C10orf67: variants seen among roughly 807,000 people sequenced by gnomAD.
C10orf67 encodes the protein uncharacterized protein C10orf67, mitochondrial.
C10orf67 carries 60 observed loss-of-function variants against 35.6 expected under a neutral mutation model. The ratio of observed to expected loss-of-function variants is 1.68; its 90% CI spans 1.37 to 2.09. The LOEUF is 2.09. C10orf67 is among the 30% of genes most tolerant of loss of function. The pLI, the probability that C10orf67 is intolerant of heterozygous loss-of-function variation, is 0.00. For missense variants in C10orf67, 474 were observed against 330.2 expected (o/e 1.44, Z -3.38); for synonymous variants, 167 against 115.8 (o/e 1.44, Z -2.84).
In C10orf67 at chr10:23,250,525, A is replaced by G. The variant is rs181374634; in HGVS notation, c.1281-5T>C. ...CGATCAGCTTCCTTCCTAAACCTAT[A>G]AAAAATTTACAGATGGTTAAATATT... On this transcript the variant is annotated splice_region_variant and splice_polypyrimidine_tract_variant and intron_variant, in intron 11 of 15. Transcript: ENST00000636213. 6.0e-5 allele frequency: 24 copies of G among 398,194 alleles called. No homozygotes were observed. Among genetic ancestry groups the G allele is most frequent in the African/African-American group, 4.8e-4 (23 of 48,376 alleles). The allele number at this position is 398,194 out of a possible 1,614,324, so 24.7% of individuals were successfully genotyped here.
At chr10:23,282,597 G>A (rs897957896) in intron 7 of C10orf67, among the ~76,000 whole-genome samples, 1 of 152,092 alleles carries the variant, frequency 6.6e-6, no homozygotes, top group Non-Finnish European at 1.5e-5. Flanking sequence ...TTGGAAGGCT[G>A]AGGCGGGTGG....
Position 23,223,811 on chromosome 10 carries a change from T to G in C10orf67, c.1442A>C (p.Lys481Thr). The change falls in exon 14 of 16, where the codon AAA becomes ACA. Residue 481 changes from lysine (K) to threonine (T), a missense_variant. Lys to Thr is a moderately conservative substitution (Grantham distance 78). Coordinates refer to ENST00000636213, the MANE Select transcript of C10orf67 (RefSeq NM_001371909.1). ...CGTTCTAGACTGCACTAATAAGGGTTTTACTTTCTGAAAGACACAAAAGAT... is the reference window on the plus strand; with the variant it reads ...CGTTCTAGACTGCACTAATAAGGGTGTTACTTTCTGAAAGACACAAAAGAT... ...ADTSFNYIKVKPLLVQSRTTM... is the reference protein window; with the variant it reads ...ADTSFNYIKVTPLLVQSRTTM... The G allele has an allele frequency of 1.4e-6, 1 of 715,200 alleles. No individual in the cohort carries two copies. Among genetic ancestry groups the G allele is most frequent in the South Asian group, 1.5e-5 (1 of 67,506 alleles). 44.3% of individuals were successfully genotyped at this position (715,200 alleles called of 1,614,324 possible).
At chr10:23,320,689 G>T in intron 4 of C10orf67, 52 bp downstream of exon 4, 1 of 1,380,872 alleles carries the variant, frequency 7.2e-7, no homozygotes, top group Non-Finnish European at 1.0e-6. Context: ...CTTGCACACA[G>T]CAGCTGAAGC....
intron 12 of C10orf67, among the ~76,000 whole-genome samples, chr10:23,245,568 A>G (rs1380540184): frequency 6.6e-6 from 1 of 152,230 alleles, no homozygotes; most frequent in Non-Finnish European, 1.5e-5. Flanking sequence ...CATTTCCCCA[A>G]AGAAGACACA....
intron 8 of C10orf67, among the ~76,000 whole-genome samples, chr10:23,278,605 T>C (rs1034086866): frequency 6.6e-6 from 1 of 152,140 alleles, no homozygotes; most frequent in African/African-American, 2.4e-5. Flanking sequence ...AGAGGAGAAC[T>C]GTGTGCCACG....
At chr10:23,235,610 C>T (rs1273589053) in intron 13 of C10orf67, among the ~76,000 whole-genome samples, 1 of 152,176 alleles carries the variant, frequency 6.6e-6, no homozygotes, top group Non-Finnish European at 1.5e-5. Flanking sequence ...GTTTACGACA[C>T]TACTGAACTG....
intron 2 of C10orf67, among the ~76,000 whole-genome samples, chr10:23,329,727 G>A (rs915279439): frequency 7.2e-6 from 1 of 138,348 alleles, no homozygotes; most frequent in Non-Finnish European, 1.5e-5. Flanking sequence ...TTGATTCCAG[G>A]AGTTCAAGGT....
chr10:23,327,835 A>G (rs1430781380), intron 2 of C10orf67, among the ~76,000 whole-genome samples: 1 of 151,804 alleles, frequency 6.6e-6, no homozygotes, highest in Non-Finnish European at 1.5e-5. Context: ...GGGGGAGAAA[A>G]AAAAAAAATT....
chr10:23,275,803 C>A (rs1281194686), intron 8 of C10orf67, among the ~76,000 whole-genome samples: 1 of 152,114 alleles, frequency 6.6e-6, no homozygotes, highest in East Asian at 1.9e-4. Flanking sequence ...GTTTGTAATA[C>A]TGTATCTAGA....
chr10:23,286,044 T>C (rs898708621), intron 7 of C10orf67, among the ~76,000 whole-genome samples: 1 of 152,102 alleles, frequency 6.6e-6, no homozygotes, highest in Admixed American at 6.6e-5. Flanking sequence ...CAGAAGTACA[T>C]GCTACTCATT....
At chr10:23,280,790 C>G (rs1843344260) in intron 8 of C10orf67, among the ~76,000 whole-genome samples, 1 of 152,222 alleles carries the variant, frequency 6.6e-6, no homozygotes, top group African/African-American at 2.4e-5. Flanking sequence ...AGTATGGGAT[C>G]TGCTCCTAGT....
intron 13 of C10orf67, among the ~76,000 whole-genome samples, chr10:23,233,591 A>G (rs1481212371): frequency 2.0e-5 from 3 of 152,242 alleles, no homozygotes; most frequent in Admixed American, 6.5e-5. Flanking sequence ...TGAAAGCAGA[A>G]AGTAGTTAAC....
At chr10:23,337,951 T>C (rs1475266645) in intron 1 of C10orf67, among the ~76,000 whole-genome samples, 1 of 152,236 alleles carries the variant, frequency 6.6e-6, no homozygotes. Flanking sequence ...TGTCTACTTT[T>C]TCTGGATGAA....
intron 15 of C10orf67, among the ~76,000 whole-genome samples, chr10:23,210,468 G>A (rs1841278454): frequency 6.6e-6 from 1 of 152,012 alleles, no homozygotes; most frequent in East Asian, 1.9e-4. Context: ...CACCCAAGCT[G>A]GAGTGCAGTG....
intron 10 of C10orf67, among the ~76,000 whole-genome samples, chr10:23,251,640 G>A (rs143755783): frequency 6.6e-6 from 1 of 152,264 alleles, no homozygotes; most frequent in East Asian, 1.9e-4. Context: ...AATTCTCAGT[G>A]TAGCTTCCAG....
At chr10:23,237,052 C>T (rs1354847005) in intron 13 of C10orf67, among the ~76,000 whole-genome samples, 1 of 152,094 alleles carries the variant, frequency 6.6e-6, no homozygotes, top group Non-Finnish European at 1.5e-5. Flanking sequence ...CACCTCCACC[C>T]TCAAGTAGGC....
At chr10:23,301,872 C>G (rs2132283022) in intron 5 of C10orf67, among the ~76,000 whole-genome samples, 1 of 152,362 alleles carries the variant, frequency 6.6e-6, no homozygotes, top group Admixed American at 6.5e-5. Flanking sequence ...TTATGATCAA[C>G]CCGGGCACTT....
intron 5 of C10orf67, among the ~76,000 whole-genome samples, chr10:23,298,713 CTAAG>C (rs1564496742): frequency 6.6e-6 from 1 of 152,164 alleles, no homozygotes; most frequent in Non-Finnish European, 1.5e-5. Context: ...AATTTTAGCC[CTAAG>C]TATTTAACCT....
In C10orf67 at chr10:23,227,739, G is replaced by A. The variant is rs375392180; in HGVS notation, c.1435-3921C>T. ...TAAGCTGATAAGCAACTTCAGCAACGTCTCAGGATACAAAATCAATGTGCA... is the reference window on the plus strand; with the variant it reads ...TAAGCTGATAAGCAACTTCAGCAACATCTCAGGATACAAAATCAATGTGCA... On this transcript the variant is annotated intron_variant, in intron 13 of 15. Transcript: ENST00000636213. 2.2e-4 allele frequency among the ~76,000 whole-genome samples: 33 copies of A among 152,260 alleles called. No individual in the cohort carries two copies. The South Asian group carries it at 4.4e-3, about 20-fold the overall frequency.
Sources: gnomAD v4.1 joint callset for allele counts (sites outside exome capture counted in the v4.1 genomes callset) on GRCh38, gnomAD v4.1.1 for gene constraint, MANE v1.5 for transcripts, NCBI Gene and HGNC (gene_info 2026-07-23, HGNC 2026-07-21) for gene names.